Variants in CRTC3 observed in about 807,000 individuals in gnomAD.
The protein encoded by CRTC3 is CREB-regulated transcription coactivator 3.
Under a neutral mutation model 74.5 loss-of-function variants are expected in CRTC3, and 26 were observed. The observed-to-expected ratio is 0.35, with a 90% CI of 0.26 to 0.48. The LOEUF (loss-of-function observed/expected upper bound fraction) is 0.48, where lower values mean the gene tolerates loss of function less well. CRTC3 is among the 20% of genes least tolerant of loss of function. The pLI is 0.99. For missense variants in CRTC3, 760 were observed against 787.3 expected (o/e 0.97, Z 0.41); for synonymous variants, 377 against 325.8 (o/e 1.16, Z -1.69).
chr15:90,541,311 G>C (rs1966798044), intron 2 of CRTC3, among the ~76,000 whole-genome samples: 1 of 152,176 alleles, frequency 6.6e-6, no homozygotes, highest in African/African-American at 2.4e-5. Context: ...TTATTTCTTT[G>C]TGGTAGAAAC....
At chr15:90,639,808 G>A (rs187144357) in intron 13 of CRTC3, among the ~76,000 whole-genome samples, 35 of 150,628 alleles carry the variant, frequency 2.3e-4, no homozygotes, top group African/African-American at 8.3e-4. Flanking sequence ...AGCAGTTTGG[G>A]AGGCCGAGGC....
chr15:90,589,949 A>C (rs928415054), intron 2 of CRTC3, among the ~76,000 whole-genome samples: 1 of 151,426 alleles, frequency 6.6e-6, no homozygotes, highest in Non-Finnish European at 1.5e-5. Context: ...ATTGCACCAC[A>C]CTCCATCCTG....
rs181894724 is a variant in CRTC3, at chr15:90,570,320, G to C, written c.232-23316G>C. Among the ~76,000 whole-genome samples the C allele has an allele frequency of 3.3e-5, 5 of 152,274 alleles. No individual in the cohort carries two copies. In the East Asian group the frequency reaches 9.6e-4, roughly 29 times the overall value. ...GGTGTGAGGGATGGAGGGACAATGA[G>C]GGATGAGGCAGGGCTCGGAGATGGT... On this transcript the variant is annotated intron_variant, in intron 2 of 14. Transcript: ENST00000268184.
At chr15:90,609,259 A>G (rs1419961265) in intron 6 of CRTC3, among the ~76,000 whole-genome samples, 1 of 152,178 alleles carries the variant, frequency 6.6e-6, no homozygotes, top group Admixed American at 6.5e-5. Context: ...GGGAATATGA[A>G]AGTTGGCAGT....
At chr15:90,591,685 A>G (rs1007023537) in intron 2 of CRTC3, among the ~76,000 whole-genome samples, 2 of 152,198 alleles carry the variant, frequency 1.3e-5, no homozygotes, top group East Asian at 1.9e-4. Context: ...GCATGTTGGC[A>G]TGCACTGTAG....
chr15:90,575,062 A>G (rs569924826), intron 2 of CRTC3, among the ~76,000 whole-genome samples: 1 of 152,332 alleles, frequency 6.6e-6, no homozygotes, highest in Admixed American at 6.5e-5. Context: ...ATCAAAAGTT[A>G]ATGTTGGCTG....
At chr15:90,637,295 G>A (rs1485060585) in intron 11 of CRTC3, among the ~76,000 whole-genome samples, 8 of 151,966 alleles carry the variant, frequency 5.3e-5, no homozygotes, top group South Asian at 2.1e-4. Flanking sequence ...TCAGCAAACT[G>A]TCGCAAGGAC....
At chr15:90,606,852 C>T (rs8035793) in intron 5 of CRTC3, 101,951 of 152,252 alleles carry the variant, frequency 0.67, 34,634 homozygotes, top group South Asian at 0.78. Flanking sequence ...CCTCACGTGG[C>T]CGCTGGGGAA....
chr15:90,617,097 C>G (rs1190422143), intron 7 of CRTC3, among the ~76,000 whole-genome samples: 1 of 152,144 alleles, frequency 6.6e-6, no homozygotes, highest in Admixed American at 6.5e-5. Flanking sequence ...TCAGCCTACA[C>G]TCCAGTTGAA....
chr15:90,556,563 C>T (rs1040871855), intron 2 of CRTC3, among the ~76,000 whole-genome samples: 13 of 152,278 alleles, frequency 8.5e-5, no homozygotes, highest in Admixed American at 5.2e-4. Flanking sequence ...TTTAATCACA[C>T]GGGCCTAGAG....
intron 11 of CRTC3, chr15:90,635,002 A>T (rs1338513936): frequency 1.5e-6 from 2 of 1,310,162 alleles, no homozygotes; most frequent in East Asian, 4.6e-5. Context: ...CTATTTAGAG[A>T]TGGTGACATT....
chr15:90,608,470 G>A (rs1300239860), intron 6 of CRTC3, among the ~76,000 whole-genome samples: 1 of 152,020 alleles, frequency 6.6e-6, no homozygotes, highest in Non-Finnish European at 1.5e-5. Flanking sequence ...CTCACTCCTG[G>A]CCAGCACCCT....
In CRTC3 at chr15:90,593,690, G is replaced by T. The variant is rs1404441612; in HGVS notation, c.286G>T (p.Glu96Ter). The change falls in exon 3 of 15, where the codon GAG becomes TAG. Residue 96 changes from glutamate to a stop codon, truncating the protein, a stop_gained. Coordinates refer to ENST00000268184, the MANE Select transcript of CRTC3 (RefSeq NM_022769.5). LOFTEE classifies it high-confidence loss of function. Reference protein sequence around the residue: ...VRGTRHHGLVERPSRNRFHPL... With the variant: ...VRGTRHHGLV ...GGGAACCCGCCATCACGGGCTGGTG[G>T]AGAGGCCATCCAGGAACCGCTTCCA... 6.2e-7 allele frequency: 1 copy of T among 1,612,554 alleles called. No individual in the cohort carries two copies.
Position 90,638,497 on chromosome 15 carries a change from G to T in CRTC3, c.1318G>T (p.Ala440Ser). The change falls in exon 12 of 15, where the codon GCC becomes TCC. Residue 440 changes from alanine to serine, a missense_variant. By Grantham distance (99) the Ala-to-Ser change is moderately conservative. Around this residue, in one of 2 missense-constraint regions of CRTC3, gnomAD observed 652 missense variants for 635.2 expected, o/e 1.03. Transcript: ENST00000268184. ...TTCCTTTCTGCCCACAGAAGCTCAAGCCCAGGTGTCGCCGCCACCCCCTTA... is the reference window on the plus strand; with the variant it reads ...TTCCTTTCTGCCCACAGAAGCTCAATCCCAGGTGTCGCCGCCACCCCCTTA... ...QLSFLPTEAQAQVSPPPPYPA... is the reference protein window; with the variant it reads ...QLSFLPTEAQSQVSPPPPYPA... 6.2e-7 allele frequency: 1 copy of T among 1,613,964 alleles called. No individual in the cohort carries two copies. The highest frequency in any genetic ancestry group is 8.5e-7 in the Non-Finnish European group (1 of 1,180,018).
intron 2 of CRTC3, among the ~76,000 whole-genome samples, chr15:90,571,402 A>G (rs1967261925): frequency 6.6e-6 from 1 of 152,190 alleles, no homozygotes; most frequent in African/African-American, 2.4e-5. Context: ...GTTCTAAGCA[A>G]AAGAAGCTGC....
chr15:90,569,368 G>A lies in CRTC3; in HGVS notation c.232-24268G>A, dbSNP rs551598880. 5.6e-4 allele frequency among the ~76,000 whole-genome samples: 82 copies of A among 146,198 alleles called. 2 individuals are homozygous for A. Among genetic ancestry groups the A allele is most frequent in the African/African-American group, 1.7e-3 (69 of 39,770 alleles). ...GAATTTTGCTCTTGTTGCCCAGGCC[G>A]AAGTGCAGTGGTGTGATCTTGACTC... On this transcript the variant is annotated intron_variant, in intron 2 of 14. Coordinates refer to ENST00000268184, the MANE Select transcript of CRTC3 (RefSeq NM_022769.5).
chr15:90,623,210 A>G (rs1410219567), intron 9 of CRTC3, among the ~76,000 whole-genome samples: 1 of 152,066 alleles, frequency 6.6e-6, no homozygotes. Context: ...ATTCTCCGCC[A>G]TGCTTTCTGA....
chr15:90,602,033 G>A (rs8026218), intron 3 of CRTC3, among the ~76,000 whole-genome samples: 100,414 of 152,052 alleles, frequency 0.66, 33,645 homozygotes, highest in South Asian at 0.75. Flanking sequence ...GGGAATGGCA[G>A]TGTTACCAGG....
intron 2 of CRTC3, among the ~76,000 whole-genome samples, chr15:90,545,134 A>G (rs1452338102): frequency 6.6e-6 from 1 of 152,126 alleles, no homozygotes; most frequent in Non-Finnish European, 1.5e-5. Flanking sequence ...TGCTTAGTAT[A>G]ATGTCTTCAG....
Sources: gnomAD v4.1 joint callset for allele counts (sites outside exome capture counted in the v4.1 genomes callset) on GRCh38, gnomAD v4.1.1 for gene constraint, gnomAD v4.1.1 regional missense constraint, MANE v1.5 for transcripts, NCBI Gene and HGNC (gene_info 2026-07-23, HGNC 2026-07-21) for gene names.